The following LRRN3 variants were observed in gnomAD, a reference collection of about 807,000 sequenced individuals.
LRRN3 encodes leucine rich repeat neuronal 3.
In LRRN3, 15 loss-of-function variants were observed where a neutral mutation model predicts 40.1. That is an observed-to-expected ratio of 0.37 (90% confidence interval 0.25 to 0.58). LRRN3 has a LOEUF of 0.58. LRRN3 is among the 20% of genes least tolerant of loss of function. The pLI is 0.72. For missense variants in LRRN3, 746 were observed against 837.7 expected, an observed-to-expected ratio of 0.89 and a Z score of 1.35; for synonymous variants, 308 against 297.2, an observed-to-expected ratio of 1.04 and a Z score of -0.37.
intron 2 of LRRN3, among the ~76,000 whole-genome samples, chr7:111,113,174 A>G (rs1034655441): frequency 6.6e-6 from 1 of 152,150 alleles, no homozygotes; most frequent in Non-Finnish European, 1.5e-5. Context: ...TTCATTCTCT[A>G]TCTATACTAG....
chr7:111,123,045 A>G lies in LRRN3; in HGVS notation c.273A>G (p.Pro91=). 1 of 1,613,932 alleles carries G rather than the reference A, an allele frequency of 6.2e-7. No individual in the cohort carries two copies. Among genetic ancestry groups the G allele is most frequent in the Non-Finnish European group, 8.5e-7 (1 of 1,179,950 alleles). Residue 91 remains proline (P), a synonymous_variant, in exon 3 of 3, where the codon CCA becomes CCG. Coordinates refer to ENST00000308478, the MANE Select transcript of LRRN3 (RefSeq NM_001099658.2). This position sits in a 1 kb window ranked among gnomAD's most constrained non-coding sequence, Gnocchi z 6.4. ...IAKIEYSTDF[P]VNLTGLDLSQ... ...AAATTGAATACTCCACAGACTTTCC[A>G]GTAAACCTTACTGGCCTGGATTTAT...
At chr7:111,117,091 G>C (rs570114286) in intron 2 of LRRN3, among the ~76,000 whole-genome samples, 1 of 152,068 alleles carries the variant, frequency 6.6e-6, no homozygotes, top group South Asian at 2.1e-4. Context: ...TAACTAATTT[G>C]ATAGTCTTTA....
chr7:111,104,280 T>C (rs372078026), intron 2 of LRRN3, among the ~76,000 whole-genome samples: 1 of 151,730 alleles, frequency 6.6e-6, no homozygotes, highest in East Asian at 1.9e-4. Context: ...CTTCTCCCAC[T>C]CCCTCTGTGT....
At chr7:111,096,427 C>A (rs893711990) in intron 1 of LRRN3, among the ~76,000 whole-genome samples, 3 of 151,458 alleles carry the variant, frequency 2.0e-5, no homozygotes, top group Non-Finnish European at 2.9e-5. Flanking sequence ...CCATACCACA[C>A]TATATCTGGA....
chr7:111,121,203 G>A (rs1273174599), intron 2 of LRRN3, among the ~76,000 whole-genome samples: 2 of 152,058 alleles, frequency 1.3e-5, no homozygotes, highest in Non-Finnish European at 2.9e-5. Flanking sequence ...TGATGGGGTT[G>A]TTTGTTTTTT....
intron 1 of LRRN3, among the ~76,000 whole-genome samples, chr7:111,096,589 C>A (rs993355743): frequency 6.6e-6 from 1 of 151,214 alleles, no homozygotes; most frequent in Non-Finnish European, 1.5e-5. Context: ...ACCTACTCAT[C>A]CATATGTTTG....
At chr7:111,096,032 C>T (rs1797362660) in intron 1 of LRRN3, among the ~76,000 whole-genome samples, 1 of 151,838 alleles carries the variant, frequency 6.6e-6, no homozygotes, top group South Asian at 2.1e-4. Context: ...AATGTGCTCT[C>T]CAAATTTTGC....
At position 111,122,590 on chromosome 7, in the gene LRRN3, A is replaced by C; in HGVS notation, c.-183A>C. 1.7e-6 allele frequency: 1 copy of C among 579,724 alleles called. No individual in the cohort carries two copies. The highest frequency in any genetic ancestry group is 3.1e-6 in the Non-Finnish European group (1 of 325,760). 35.9% of individuals were successfully genotyped at this position (579,724 alleles called of 1,614,324 possible). On this transcript the variant is annotated 5_prime_UTR_variant, in exon 3 of 3. Coordinates refer to ENST00000308478, the MANE Select transcript of LRRN3 (RefSeq NM_001099658.2). ...CCTTCTCTTCTCCAATATGCATGACATTTTTGGACAATGCAATTGTGGCAC... is the reference window on the plus strand; with the variant it reads ...CCTTCTCTTCTCCAATATGCATGACCTTTTTGGACAATGCAATTGTGGCAC...
intron 2 of LRRN3, among the ~76,000 whole-genome samples, chr7:111,108,413 A>T (rs985655883): frequency 6.6e-6 from 1 of 152,166 alleles, no homozygotes; most frequent in African/African-American, 2.4e-5. Flanking sequence ...AATGTCACAA[A>T]TTTTAAGAAA....
In LRRN3 at chr7:111,091,290, C is replaced by T. The variant is rs141640326; in HGVS notation, c.-655C>T. On this transcript the variant is annotated 5_prime_UTR_variant, in exon 1 of 3. Transcript: ENST00000308478. Reference sequence around the variant, plus strand: ...AAAGAAGGAATCCCGGCTGCAGCCTCCTGCCTTCCTTTATATTTTAAAATA... The same window carrying T: ...AAAGAAGGAATCCCGGCTGCAGCCTTCTGCCTTCCTTTATATTTTAAAATA... 0.023 allele frequency: 3,480 copies of T among 152,332 alleles called. 51 individuals are homozygous for T. Among genetic ancestry groups the T allele is most frequent in the Non-Finnish European group, 0.034 (2,341 of 68,038 alleles). 9.4% of individuals were successfully genotyped at this position (152,332 alleles called of 1,614,324 possible).
chr7:111,124,962 G>A lies in LRRN3; in HGVS notation c.*63G>A. 2 of 1,160,506 alleles carry A rather than the reference G, an allele frequency of 1.7e-6. No individual in the cohort carries two copies. Among genetic ancestry groups the A allele is most frequent in the Non-Finnish European group, 2.4e-6 (2 of 828,154 alleles). 71.9% of individuals were successfully genotyped at this position (1,160,506 alleles called of 1,614,324 possible). On this transcript the variant is annotated 3_prime_UTR_variant, in exon 3 of 3. Transcript: ENST00000308478. ...AAAAAAAAAGCGAAAGACTGCAGTT[G>A]TGCTAAAAACAAAACAAAACAAACA...
intron 2 of LRRN3, among the ~76,000 whole-genome samples, chr7:111,115,880 T>C (rs1023567313): frequency 2.6e-5 from 4 of 152,102 alleles, no homozygotes; most frequent in African/African-American, 9.7e-5. Flanking sequence ...TTTCACTATG[T>C]TGACCAGGCT....
chr7:111,109,263 T>G (rs1330442119), intron 2 of LRRN3, among the ~76,000 whole-genome samples: 2 of 152,128 alleles, frequency 1.3e-5, no homozygotes, highest in African/African-American at 4.8e-5. Flanking sequence ...TAATTAAGTT[T>G]TTTTTTTCAA....
chr7:111,106,658 G>C (rs1369434235), intron 2 of LRRN3, among the ~76,000 whole-genome samples: 1 of 147,900 alleles, frequency 6.8e-6, no homozygotes, highest in Non-Finnish European at 1.5e-5. Flanking sequence ...ATAATATTAA[G>C]ATAACAGGAA....
intron 2 of LRRN3, among the ~76,000 whole-genome samples, chr7:111,114,133 T>TACACACACAC (rs71151831): frequency 4.3e-4 from 63 of 146,580 alleles, no homozygotes; most frequent in African/African-American, 1.5e-3. Flanking sequence ...CACATAAATC[T>TACACACACAC]ACACACACAC....
At chr7:111,109,870 T>C (rs2129582792) in intron 2 of LRRN3, among the ~76,000 whole-genome samples, 1 of 152,302 alleles carries the variant, frequency 6.6e-6, no homozygotes, top group Non-Finnish European at 1.5e-5. Flanking sequence ...GCGCGGTGGC[T>C]CATGCCTGTA....
intron 2 of LRRN3, among the ~76,000 whole-genome samples, chr7:111,109,108 A>G (rs969492991): frequency 6.6e-6 from 1 of 152,216 alleles, no homozygotes; most frequent in African/African-American, 2.4e-5. Flanking sequence ...GGGATATTTT[A>G]AGTAAGGTGG....
chr7:111,109,485 T>C (rs1798937145), intron 2 of LRRN3, among the ~76,000 whole-genome samples: 1 of 152,152 alleles, frequency 6.6e-6, no homozygotes, highest in South Asian at 2.1e-4. Flanking sequence ...CATTAACAAC[T>C]AGTAAGGGGG....
rs1396442221 is a variant in LRRN3 at position 111,091,374 on chromosome 7, TAC to T, written c.-567_-566del. Reference sequence around the variant, plus strand: ...ATAGTATATATTTTGTACACTTTGTTACACAGACACACAAATGCACCTATTTA... The same window carrying T: ...ATAGTATATATTTTGTACACTTTGTTACAGACACACAAATGCACCTATTTA... On this transcript the variant is annotated 5_prime_UTR_variant, in exon 1 of 3. Coordinates refer to ENST00000308478, the MANE Select transcript of LRRN3 (RefSeq NM_001099658.2). 6.6e-6 allele frequency: 1 copy of T among 152,124 alleles called. No individual in the cohort carries two copies. The highest frequency in any genetic ancestry group is 1.9e-4 in the East Asian group (1 of 5,186). 9.4% of individuals were successfully genotyped at this position (152,124 alleles called of 1,614,324 possible).
Sources: gnomAD v4.1 joint callset for allele counts (sites outside exome capture counted in the v4.1 genomes callset) on GRCh38, gnomAD v4.1.1 for gene constraint, Gnocchi (gnomAD v3.1) non-coding constraint, MANE v1.5 for transcripts, NCBI Gene and HGNC (gene_info 2026-07-23, HGNC 2026-07-21) for gene names.